LYPLA1: variants seen among roughly 807,000 people sequenced by gnomAD.
LYPLA1 encodes lysophospholipase 1.
Under a neutral mutation model 34.0 loss-of-function variants are expected in LYPLA1, and 17 were observed. That is an observed-to-expected ratio of 0.50 (90% CI 0.34 to 0.75). The LOEUF is 0.75. Among genes scored for constraint, LYPLA1 ranks in the 30% least tolerant of loss-of-function variants. LYPLA1 has a pLI of 0.01. For synonymous variants in LYPLA1, 98 were observed against 100.8 expected, an observed-to-expected ratio of 0.97 and a Z score of 0.17; for missense variants, 203 against 288.8, an observed-to-expected ratio of 0.70 and a Z score of 2.15.
intron 3 of LYPLA1, among the ~76,000 whole-genome samples, chr8:54,064,711 T>C (rs1806919473): frequency 6.6e-6 from 1 of 152,228 alleles, no homozygotes; most frequent in Non-Finnish European, 1.5e-5. Context: ...TCCATGGTTA[T>C]TGCTTCTCAG....
rs148161630 is a variant in LYPLA1, at chr8:54,046,790, C to A, written c.*1275G>T. The A allele has an allele frequency of 3.3e-5, 5 of 152,210 alleles. No homozygotes were observed. The East Asian group carries it at 9.6e-4, about 29-fold the overall frequency. The allele number at this position is 152,210 out of a possible 1,614,324, so 9.4% of individuals were successfully genotyped here. A position where few individuals can be genotyped will look rare whatever the true frequency, so the allele number is the denominator to read the frequency against. Reference sequence around the variant, plus strand: ...TAACTACACTTTATGGTATAGGGTTCTGACTAGCCTTTATTACCCATAAGT... The same window carrying A: ...TAACTACACTTTATGGTATAGGGTTATGACTAGCCTTTATTACCCATAAGT... On this transcript the variant is annotated 3_prime_UTR_variant, in exon 9 of 9. Transcript: ENST00000316963.
chr8:54,063,321 T>A lies in LYPLA1; in HGVS notation c.215+7A>T. On this transcript the variant is annotated splice_region_variant and intron_variant, in intron 4 of 8. Coordinates refer to ENST00000316963, the MANE Select transcript of LYPLA1 (RefSeq NM_006330.4). ...TGTTCTTATTCAATAAGTAAATTCT[T>A]ACTTACCATGAAGGCATAGCCACGT... 4 of 1,484,296 alleles carry A rather than the reference T, an allele frequency of 2.7e-6. No individual in the cohort carries two copies. Among genetic ancestry groups the A allele is most frequent in the Non-Finnish European group, 3.6e-6 (4 of 1,101,742 alleles). 91.9% of individuals were successfully genotyped at this position (1,484,296 alleles called of 1,614,324 possible).
At chr8:54,057,594 T>C (rs1306600693) in intron 5 of LYPLA1, among the ~76,000 whole-genome samples, 3 of 152,156 alleles carry the variant, frequency 2.0e-5, no homozygotes, top group Non-Finnish European at 4.4e-5. Context: ...TCTCACTTTT[T>C]TGTGGGATCT....
intron 2 of LYPLA1, among the ~76,000 whole-genome samples, chr8:54,079,288 G>A (rs1245719047): frequency 6.6e-6 from 1 of 152,134 alleles, no homozygotes; most frequent in Non-Finnish European, 1.5e-5. Context: ...CCAGTTTTCT[G>A]TCTGATAATT....
chr8:54,098,213 ACT>A (rs1227897661), intron 2 of LYPLA1, among the ~76,000 whole-genome samples: 9 of 151,540 alleles, frequency 5.9e-5, no homozygotes, highest in Admixed American at 5.3e-4. Flanking sequence ...ACAGAGCAAG[ACT>A]CTGTCTCAAA....
At position 54,051,128 on chromosome 8, in the gene LYPLA1, G is replaced by A. The variant is rs530292231; in HGVS notation, c.523C>T (p.Pro175Ser). 6 of 1,613,704 alleles carry A rather than the reference G, an allele frequency of 3.7e-6. No homozygotes were observed. In the South Asian group the frequency reaches 6.6e-5, roughly 18 times the overall value. ...SILQCHGDCD[P>S]LVPLMFGSLT... is the part of the protein sequence containing the mutation. ...GAACCAAACATCAGGGGAACCAAAG[G>A]GTCACAATCCCCGTGGCACTGGAGA... Residue 175 changes from proline (P) to serine (S), a missense_variant, in exon 8 of 9, where the codon CCT becomes TCT. Coordinates refer to ENST00000316963, the MANE Select transcript of LYPLA1 (RefSeq NM_006330.4).
chr8:54,060,439 T>TA (rs1806520378), intron 5 of LYPLA1, among the ~76,000 whole-genome samples: 1 of 151,966 alleles, frequency 6.6e-6, no homozygotes, highest in African/African-American at 2.4e-5. Flanking sequence ...GTGCATTTGT[T>TA]AAAAATAGAC....
At chr8:54,072,097 T>G (rs1278700316) in intron 2 of LYPLA1, among the ~76,000 whole-genome samples, 1 of 152,008 alleles carries the variant, frequency 6.6e-6, no homozygotes. Flanking sequence ...CTACAACTAT[T>G]TGATACTCAA....
Position 54,082,297 on chromosome 8 carries a change from G to A in LYPLA1, c.102-16484C>T, listed in dbSNP as rs1476291247. On this transcript the variant is annotated intron_variant, in intron 2 of 8. Coordinates refer to ENST00000316963, the MANE Select transcript of LYPLA1 (RefSeq NM_006330.4). Reference sequence around the variant, plus strand: ...GACAGGTTTTCCCCACAACGCACACGCACATACATACGCACCATAGTATGT... The same window carrying A: ...GACAGGTTTTCCCCACAACGCACACACACATACATACGCACCATAGTATGT... 3.3e-5 allele frequency among the ~76,000 whole-genome samples: 5 copies of A among 152,208 alleles called. 1 individual carries two copies. The South Asian group carries it at 1.0e-3, about 32-fold the overall frequency.
chr8:54,099,693 ATT>A (rs534394841), intron 2 of LYPLA1, among the ~76,000 whole-genome samples: 2 of 143,406 alleles, frequency 1.4e-5, no homozygotes, highest in Non-Finnish European at 1.5e-5. Context: ...GCCTAATGGC[ATT>A]TTTTTTTTTT....
chr8:54,043,421 G>A (rs1177343921), downstream of LYPLA1, among the ~76,000 whole-genome samples: 10 of 151,520 alleles, frequency 6.6e-5, no homozygotes, highest in African/African-American at 1.9e-4. Flanking sequence ...GACTACAGGC[G>A]TGCACCACCA....
intron 5 of LYPLA1, among the ~76,000 whole-genome samples, chr8:54,057,545 G>C (rs1427024178): frequency 6.6e-6 from 1 of 152,156 alleles, no homozygotes; most frequent in South Asian, 2.1e-4. Flanking sequence ...ATTATGTTAA[G>C]GGAAATAAGC....
At chr8:54,051,505 T>C (rs1805841654) in intron 7 of LYPLA1, among the ~76,000 whole-genome samples, 1 of 152,188 alleles carries the variant, frequency 6.6e-6, no homozygotes, top group African/African-American at 2.4e-5. Context: ...TGGAGTGCAG[T>C]GGCGTGATCT....
intron 5 of LYPLA1, among the ~76,000 whole-genome samples, chr8:54,056,510 C>T (rs945371971): frequency 2.6e-5 from 4 of 152,060 alleles, no homozygotes; most frequent in South Asian, 2.1e-4. Flanking sequence ...GGAGACAACC[C>T]ACAGAATGGG....
intron 2 of LYPLA1, among the ~76,000 whole-genome samples, chr8:54,068,126 T>C (rs1188734802): frequency 1.7e-4 from 26 of 152,204 alleles, no homozygotes; most frequent in Admixed American, 1.7e-3. Flanking sequence ...GGATATTATA[T>C]AGGAGTTTTG....
chr8:54,098,598 T>C (rs1271015498), intron 2 of LYPLA1, among the ~76,000 whole-genome samples: 2 of 152,018 alleles, frequency 1.3e-5, no homozygotes, highest in African/African-American at 4.8e-5. Flanking sequence ...CAAGAATCAC[T>C]TGAACCCGAG....
At chr8:54,068,691 C>A (rs1274650363) in intron 2 of LYPLA1, among the ~76,000 whole-genome samples, 4 of 152,108 alleles carry the variant, frequency 2.6e-5, no homozygotes, top group African/African-American at 7.2e-5. Context: ...TAAACACTGA[C>A]CAAATACCTA....
intron 5 of LYPLA1, 68 bp from the exon 6 acceptor site, chr8:54,055,201 G>T: frequency 1.1e-6 from 1 of 877,948 alleles, no homozygotes; most frequent in Non-Finnish European, 1.8e-6. Context: ...ATTTAAATTA[G>T]GAAAAAATTA....
intron 2 of LYPLA1, among the ~76,000 whole-genome samples, chr8:54,088,419 A>G (rs1382441039): frequency 6.6e-6 from 1 of 152,264 alleles, no homozygotes; most frequent in Non-Finnish European, 1.5e-5. Context: ...CACTTCACAT[A>G]GAAATGGATG....
Sources: allele counts gnomAD v4.1 joint callset (sites outside exome capture counted in the v4.1 genomes callset), GRCh38; gene constraint gnomAD v4.1.1; transcripts MANE v1.5; gene names NCBI Gene and HGNC (gene_info 2026-07-23, HGNC 2026-07-21).